PTPRN2: variants seen among roughly 807,000 people sequenced by gnomAD.
The protein encoded by PTPRN2 is receptor-type tyrosine-protein phosphatase N2.
In PTPRN2, 74 loss-of-function variants were observed where a neutral mutation model predicts 118.8. The observed-to-expected ratio is 0.62, with a 90% CI of 0.52 to 0.76. PTPRN2 has a LOEUF of 0.76. PTPRN2 is among the 30% of genes least tolerant of loss of function. The pLI is 0.00. For synonymous variants in PTPRN2, 641 were observed against 608.0 expected, an observed-to-expected ratio of 1.05 and a Z score of -0.80; for missense variants, 1,481 against 1,394.4, an observed-to-expected ratio of 1.06 and a Z score of -0.99.
chr7:158,176,800 G>A (rs76807025), intron 5 of PTPRN2, among the ~76,000 whole-genome samples: 121 of 152,320 alleles, frequency 7.9e-4, no homozygotes, highest in African/African-American at 2.7e-3. Context: ...ATCACATGAG[G>A]GGGCAAACTT....
chr7:158,145,615 G>C (rs576869906), intron 6 of PTPRN2, among the ~76,000 whole-genome samples: 1 of 152,190 alleles, frequency 6.6e-6, no homozygotes, highest in Admixed American at 6.5e-5. Flanking sequence ...GGCCAGACGC[G>C]GCCAGGCTTG....
At chr7:158,211,893 A>G (rs989598772) in intron 3 of PTPRN2, among the ~76,000 whole-genome samples, 3 of 152,208 alleles carry the variant, frequency 2.0e-5, no homozygotes, top group Admixed American at 2.0e-4. Flanking sequence ...TAATCAGTGT[A>G]TCAAATTGAT....
rs1279495761 is a variant in PTPRN2 at position 158,356,581 on chromosome 7, G to A, written c.164-39649C>T. On this transcript the variant is annotated intron_variant, in intron 2 of 22. Transcript: ENST00000389418. The stretch of plus-strand genomic sequence containing the variant: ...CTGTGGAGCACAGGGCTTCCCACCC[G>A]GCAGATAAGAACCCCATGCACACCT... 2.0e-5 allele frequency among the ~76,000 whole-genome samples: 3 copies of A among 152,150 alleles called. 1 individual carries two copies. Among genetic ancestry groups the A allele is most frequent in the Admixed American group, 6.5e-5 (1 of 15,286 alleles).
chr7:158,405,078 T>C (rs1249969263), intron 2 of PTPRN2, among the ~76,000 whole-genome samples: 3 of 78,248 alleles, frequency 3.8e-5, no homozygotes, highest in Non-Finnish European at 7.9e-5. Flanking sequence ...CTCCAGCTCC[T>C]CGGCCTCAGC....
At chr7:158,272,532 T>A (rs1406380098) in intron 3 of PTPRN2, among the ~76,000 whole-genome samples, 1 of 152,048 alleles carries the variant, frequency 6.6e-6, no homozygotes, top group Non-Finnish European at 1.5e-5. Flanking sequence ...AACTTCCACA[T>A]CCCCTCACTC....
chr7:158,164,586 A>G (rs529736629), intron 6 of PTPRN2, among the ~76,000 whole-genome samples: 76 of 152,234 alleles, frequency 5.0e-4, no homozygotes, highest in African/African-American at 1.7e-3. Flanking sequence ...AATGCGTCCT[A>G]TTCTCTCTGT....
In PTPRN2 at chr7:157,729,784, C is replaced by T. The variant is rs1265483447; in HGVS notation, c.1789-46847G>A. Among the ~76,000 whole-genome samples the T allele has an allele frequency of 6.6e-6, 1 of 152,150 alleles. No homozygotes were observed. Among genetic ancestry groups the T allele is most frequent in the Non-Finnish European group, 1.5e-5 (1 of 68,014 alleles). ...TGGTGCCCAGGTAGTGACTGCACCA[C>T]ACCCATAAGGGCCACCTGCTGGCCA... is the stretch of plus-strand genomic sequence containing the variant. On this transcript the variant is annotated intron_variant, in intron 12 of 22. Coordinates refer to ENST00000389418, the MANE Select transcript of PTPRN2 (RefSeq NM_002847.5). The surrounding 1 kb of genome is among the most constrained non-coding windows in gnomAD (Gnocchi z 4.3).
intron 11 of PTPRN2, among the ~76,000 whole-genome samples, chr7:157,962,668 G>A (rs1801627987): frequency 1.3e-5 from 2 of 152,218 alleles, no homozygotes; most frequent in Admixed American, 1.3e-4. Context: ...TGGACAAGCT[G>A]GAAGAGTCCG....
At chr7:157,948,205 G>A (rs1008225369) in intron 11 of PTPRN2, among the ~76,000 whole-genome samples, 1 of 152,114 alleles carries the variant, frequency 6.6e-6, no homozygotes, top group Non-Finnish European at 1.5e-5. Flanking sequence ...TCCTCCTTTT[G>A]TCTTCTATAT....
At chr7:157,966,077 A>G (rs1046652375) in intron 11 of PTPRN2, among the ~76,000 whole-genome samples, 6 of 152,090 alleles carry the variant, frequency 3.9e-5, no homozygotes, top group African/African-American at 1.4e-4. Context: ...TGTAAAGTCT[A>G]ATTCCAACAG....
At chr7:158,110,651 A>G (rs1476847557) in intron 10 of PTPRN2, among the ~76,000 whole-genome samples, 178 bp downstream of exon 10, 1 of 152,040 alleles carries the variant, frequency 6.6e-6, no homozygotes, top group Non-Finnish European at 1.5e-5. Context: ...CCCCTTAAAC[A>G]CTGGTTTCCA....
At chr7:158,207,104 C>T (rs903800436) in intron 3 of PTPRN2, among the ~76,000 whole-genome samples, 3 of 148,424 alleles carry the variant, frequency 2.0e-5, no homozygotes, top group Non-Finnish European at 4.4e-5. Context: ...TGATGGTTTC[C>T]AATTTCATCC....
At chr7:158,007,051 C>A (rs1184719638) in intron 11 of PTPRN2, among the ~76,000 whole-genome samples, 2 of 152,206 alleles carry the variant, frequency 1.3e-5, no homozygotes, top group Non-Finnish European at 2.9e-5. Context: ...ACTGCGCAGG[C>A]TGGCGGGCGG....
chr7:158,585,628 C>A (rs1270249775), intron 1 of PTPRN2, among the ~76,000 whole-genome samples: 1 of 152,220 alleles, frequency 6.6e-6, no homozygotes, highest in Non-Finnish European at 1.5e-5. Flanking sequence ...GCTTTCCTCT[C>A]TTCATGCACT....
intron 3 of PTPRN2, among the ~76,000 whole-genome samples, chr7:158,256,340 A>C (rs971340294): frequency 6.6e-6 from 1 of 152,108 alleles, no homozygotes; most frequent in Non-Finnish European, 1.5e-5. Context: ...GCTGAGGGGG[A>C]CAAGAGGGCA....
chr7:158,151,825 G>C (rs1216928086), intron 6 of PTPRN2, among the ~76,000 whole-genome samples: 1 of 152,180 alleles, frequency 6.6e-6, no homozygotes. Context: ...CATGAGCAAA[G>C]TCCTTGCTTT....
intron 12 of PTPRN2, among the ~76,000 whole-genome samples, chr7:157,707,517 G>A (rs537561772): frequency 6.6e-6 from 1 of 152,316 alleles, no homozygotes; most frequent in South Asian, 2.1e-4. Flanking sequence ...TAGTTTAAAA[G>A]CTTCAGGGAA....
In PTPRN2 at chr7:158,087,950, A is replaced by T. The variant is rs62480179; in HGVS notation, c.1644-6573T>A. 9.2e-3 allele frequency among the ~76,000 whole-genome samples: 633 copies of T among 68,794 alleles called. 1 individual carries two copies. The highest frequency in any genetic ancestry group is 0.016 in the Non-Finnish European group (413 of 25,238). 45.1% of individuals were successfully genotyped at this position (68,794 alleles called of 152,430 possible). A position where few individuals can be genotyped will look rare whatever the true frequency, so the allele number is the denominator to read the frequency against. ...TCCCCTGATGAAAGAGGGAGTCTTC[A>T]CACAAACCTTCTTCCCCTGATGAAA... is the stretch of plus-strand genomic sequence containing the variant. On this transcript the variant is annotated intron_variant, in intron 10 of 22. Coordinates refer to ENST00000389418, the MANE Select transcript of PTPRN2 (RefSeq NM_002847.5).
chr7:158,132,461 CAACA>C (rs58011357), intron 9 of PTPRN2, among the ~76,000 whole-genome samples: 96,945 of 150,226 alleles, frequency 0.65, 31,847 homozygotes, highest in African/African-American at 0.75. Flanking sequence ...CATATCGACA[CAACA>C]CACACTCGTA....
Sources: gnomAD v4.1 joint callset for allele counts (sites outside exome capture counted in the v4.1 genomes callset) on GRCh38, gnomAD v4.1.1 for gene constraint, Gnocchi (gnomAD v3.1) non-coding constraint, MANE v1.5 for transcripts, NCBI Gene and HGNC (gene_info 2026-07-23, HGNC 2026-07-21) for gene names.